KCTD20: variants seen among roughly 807,000 people sequenced by gnomAD.
KCTD20 encodes potassium channel tetramerization domain containing 20.
KCTD20 carries 30 observed loss-of-function variants against 39.6 expected under a neutral mutation model. The observed-to-expected ratio is 0.76, with a 90% CI of 0.57 to 1.03. The LOEUF is 1.03. Among genes scored for constraint, KCTD20 ranks in the 50% least tolerant of loss-of-function variants. The pLI is 0.00. For synonymous variants in KCTD20, 162 were observed against 180.6 expected, an observed-to-expected ratio of 0.90 and a Z score of 0.83; for missense variants, 422 against 522.0, an observed-to-expected ratio of 0.81 and a Z score of 1.87.
chr6:36,447,743 C>T (rs1356244350), intron 1 of KCTD20, among the ~76,000 whole-genome samples: 1 of 151,800 alleles, frequency 6.6e-6, no homozygotes, highest in Non-Finnish European at 1.5e-5. Context: ...ATAATCCCAG[C>T]ACTTTGGGAG....
intron 2 of KCTD20, 67 bp downstream of exon 2, chr6:36,470,324 A>G: frequency 7.2e-7 from 1 of 1,384,512 alleles, no homozygotes; most frequent in Non-Finnish European, 9.9e-7. Context: ...CTCTACCCAG[A>G]AGGCATGAAT....
At chr6:36,479,743 A>G in intron 5 of KCTD20, 32 bp downstream of exon 5, 1 of 1,464,970 alleles carries the variant, frequency 6.8e-7, no homozygotes, top group Middle Eastern at 1.9e-4. Flanking sequence ...AGCTGCACTT[A>G]AGCAGCTGAA....
At chr6:36,457,900 G>T (rs181593105) in intron 1 of KCTD20, among the ~76,000 whole-genome samples, 16 of 152,120 alleles carry the variant, frequency 1.1e-4, no homozygotes, top group Admixed American at 1.0e-3. Context: ...AGGTAGACTG[G>T]GATGAACTAG....
intron 1 of KCTD20, among the ~76,000 whole-genome samples, chr6:36,448,939 G>A (rs1299484086): frequency 1.3e-5 from 2 of 152,194 alleles, no homozygotes; most frequent in East Asian, 1.9e-4. Context: ...TAAAGGTGGC[G>A]TGTCTGGAGT....
intron 1 of KCTD20, among the ~76,000 whole-genome samples, chr6:36,447,793 T>A (rs1775094564): frequency 6.6e-6 from 1 of 151,560 alleles, no homozygotes; most frequent in Admixed American, 6.6e-5. Context: ...GAGTTCGAGA[T>A]CAGGCTAAGC....
At chr6:36,482,183 C>T (rs1179004907) in intron 6 of KCTD20, among the ~76,000 whole-genome samples, 3 of 152,172 alleles carry the variant, frequency 2.0e-5, no homozygotes, top group Non-Finnish European at 4.4e-5. Context: ...ACATATATAA[C>T]CAATTACTTG....
chr6:36,479,278 T>C, intron 4 of KCTD20, 55 bp downstream of exon 4: 1 of 1,243,416 alleles, frequency 8.0e-7, no homozygotes, highest in Non-Finnish European at 1.2e-6. Flanking sequence ...GTGTGATCAA[T>C]AGCCTTGAGA....
intron 1 of KCTD20, among the ~76,000 whole-genome samples, chr6:36,467,669 C>A (rs543627160): frequency 6.6e-6 from 1 of 151,934 alleles, no homozygotes; most frequent in African/African-American, 2.4e-5. Context: ...AATTCTGAAG[C>A]CAAATCCATT....
intron 3 of KCTD20, among the ~76,000 whole-genome samples, chr6:36,478,860 C>T (rs933742227): frequency 1.7e-4 from 26 of 152,218 alleles, no homozygotes; most frequent in African/African-American, 5.8e-4. Flanking sequence ...CAAAGAAACT[C>T]ACTACAGATG....
intron 1 of KCTD20, among the ~76,000 whole-genome samples, chr6:36,447,143 T>G (rs141544333): frequency 3.0e-4 from 45 of 152,314 alleles, no homozygotes; most frequent in African/African-American, 1.0e-3. Flanking sequence ...CAGTGTTGCC[T>G]GGGTTCAAAT....
intron 1 of KCTD20, among the ~76,000 whole-genome samples, chr6:36,468,882 C>T (rs1019079241): frequency 6.6e-6 from 1 of 152,166 alleles, no homozygotes; most frequent in African/African-American, 2.4e-5. Flanking sequence ...CTCTATCCAT[C>T]CTATCAAAGT....
At chr6:36,447,487 G>A (rs1775081885) in intron 1 of KCTD20, among the ~76,000 whole-genome samples, 1 of 151,924 alleles carries the variant, frequency 6.6e-6, no homozygotes, top group Admixed American at 6.6e-5. Flanking sequence ...AAAATTAGCT[G>A]GGCATGTTGG....
intron 5 of KCTD20, among the ~76,000 whole-genome samples, chr6:36,480,996 CAG>C (rs1776228864): frequency 6.6e-6 from 1 of 152,224 alleles, no homozygotes; most frequent in African/African-American, 2.4e-5. Flanking sequence ...GATGAGAACT[CAG>C]ATTGTCTGAC....
At position 36,472,334 on chromosome 6, in the gene KCTD20, G is replaced by T. The variant is rs548701278; in HGVS notation, c.160+2077G>T. ...AGCTATGGGATGGGAACTCTAAATA[G>T]GTTTTTGATCTAGATTTTTGTTGCC... On this transcript the variant is annotated intron_variant, in intron 2 of 7. Transcript: ENST00000373731. Among the ~76,000 whole-genome samples the T allele has an allele frequency of 3.3e-5, 5 of 152,190 alleles. No homozygotes were observed. The South Asian group carries it at 8.3e-4, about 25-fold the overall frequency.
chr6:36,464,432 C>T (rs140747481), intron 1 of KCTD20, among the ~76,000 whole-genome samples: 1 of 152,274 alleles, frequency 6.6e-6, no homozygotes, highest in African/African-American at 2.4e-5. Flanking sequence ...GATCCTCCTT[C>T]CACAGCCTCC....
intron 1 of KCTD20, among the ~76,000 whole-genome samples, chr6:36,451,367 GAA>G (rs1203577785): frequency 6.6e-6 from 1 of 152,132 alleles, no homozygotes; most frequent in South Asian, 2.1e-4. Flanking sequence ...CTTTTTAAAA[GAA>G]AAGTCACGTG....
rs568201635 is a variant in KCTD20 at position 36,470,215 on chromosome 6, G to T, written c.118G>T (p.Gly40Cys). Reference protein sequence around the residue: ...EKEANSLASSGPHNLTYPLGP... With the variant: ...EKEANSLASSCPHNLTYPLGP... ...AGAAGCAAACAGCCTGGCTTCATCT[G>T]GTCCTCATAATCTTACTTATCCTCT... Residue 40 changes from glycine (G) to cysteine (C), a missense_variant, in exon 2 of 8, where the codon GGT becomes TGT. Transcript: ENST00000373731. 1.2e-6 allele frequency: 2 copies of T among 1,613,994 alleles called. No individual in the cohort carries two copies. Among genetic ancestry groups the T allele is most frequent in the African/African-American group, 1.3e-5 (1 of 75,028 alleles).
intron 1 of KCTD20, among the ~76,000 whole-genome samples, chr6:36,446,444 A>T (rs1775050368): frequency 6.6e-6 from 1 of 152,216 alleles, no homozygotes; most frequent in African/African-American, 2.4e-5. Flanking sequence ...TGTCATCAAG[A>T]ATATAACTAT....
Position 36,488,813 on chromosome 6 carries a change from A to G in KCTD20, c.*1638A>G, listed in dbSNP as rs915153132. On this transcript the variant is annotated 3_prime_UTR_variant, in exon 8 of 8. Coordinates refer to ENST00000373731, the MANE Select transcript of KCTD20 (RefSeq NM_173562.5). Reference sequence around the variant, plus strand: ...TGTTGAAAGCTCTTTCCAGGGCTGAAAAAGTGTTCTTACGTTCTCTGCATG... The same window carrying G: ...TGTTGAAAGCTCTTTCCAGGGCTGAGAAAGTGTTCTTACGTTCTCTGCATG... The G allele has an allele frequency of 2.6e-5, 4 of 152,614 alleles. No homozygotes were observed. Among genetic ancestry groups the G allele is most frequent in the African/African-American group, 9.7e-5 (4 of 41,438 alleles). 9.5% of individuals were successfully genotyped at this position (152,614 alleles called of 1,614,324 possible). A position where few individuals can be genotyped will look rare whatever the true frequency, so the allele number is the denominator to read the frequency against.
Sources: allele counts gnomAD v4.1 joint callset (sites outside exome capture counted in the v4.1 genomes callset), GRCh38; gene constraint gnomAD v4.1.1; transcripts MANE v1.5; gene names NCBI Gene and HGNC (gene_info 2026-07-23, HGNC 2026-07-21).